Variants in OPCML observed in about 807,000 individuals in gnomAD.
OPCML encodes opioid-binding protein/cell adhesion molecule.
A neutral mutation model predicts 37.8 loss-of-function variants in OPCML; 13 were observed. That is an observed-to-expected ratio of 0.34 (90% CI 0.22 to 0.55). The LOEUF (loss-of-function observed/expected upper bound fraction) is 0.55, where lower values mean the gene tolerates loss of function less well. Among genes scored for constraint, OPCML ranks in the 20% least tolerant of loss-of-function variants. The pLI is 0.91. For synonymous variants in OPCML, 176 were observed against 168.8 expected, an observed-to-expected ratio of 1.04 and a Z score of -0.33; for missense variants, 341 against 435.6, an observed-to-expected ratio of 0.78 and a Z score of 1.93.
intron 1 of OPCML, among the ~76,000 whole-genome samples, chr11:133,419,738 T>G (rs545681766): frequency 6.6e-6 from 1 of 152,172 alleles, no homozygotes. Context: ...AAGAAAGACA[T>G]AGAGAAAATG....
At chr11:132,991,087 A>G (rs886992557) in intron 1 of OPCML, among the ~76,000 whole-genome samples, 1 of 152,194 alleles carries the variant, frequency 6.6e-6, no homozygotes, top group Non-Finnish European at 1.5e-5. Flanking sequence ...TGCCCATAGG[A>G]TTGCCATAAG....
At chr11:133,283,575 GTTTAC>G (rs1322061837) in intron 1 of OPCML, among the ~76,000 whole-genome samples, 1 of 152,126 alleles carries the variant, frequency 6.6e-6, no homozygotes, top group Non-Finnish European at 1.5e-5. Context: ...AAAGGTATTT[GTTTAC>G]ACTGACACAA....
chr11:132,728,280 C>G (rs576546505), intron 2 of OPCML, among the ~76,000 whole-genome samples: 1 of 152,212 alleles, frequency 6.6e-6, no homozygotes, highest in African/African-American at 2.4e-5. Context: ...GCCTGGGTGA[C>G]AGGAGTCTCA....
intron 1 of OPCML, among the ~76,000 whole-genome samples, chr11:132,998,159 A>G (rs990637160): frequency 6.6e-6 from 1 of 152,112 alleles, no homozygotes; most frequent in Non-Finnish European, 1.5e-5. Flanking sequence ...AAACATCCCC[A>G]GTCTGTCATT....
rs140974993 is a variant in OPCML, at chr11:132,740,218, G to A, written c.147-82899C>T. On this transcript the variant is annotated intron_variant, in intron 2 of 7. Coordinates refer to ENST00000524381, the MANE Select transcript of OPCML (RefSeq NM_001012393.5). ...CTGAAGGAGTGAAACTAACAATAAC[G>A]TATCTGTGATGTATCTATTTATGTG... Among the ~76,000 whole-genome samples the A allele has an allele frequency of 2.5e-3, 374 of 152,264 alleles. 2 individuals carry two copies. The highest frequency in any genetic ancestry group is 8.6e-3 in the African/African-American group (359 of 41,552).
intron 3 of OPCML, among the ~76,000 whole-genome samples, chr11:132,530,952 C>T (rs1461156898): frequency 6.6e-6 from 1 of 152,170 alleles, no homozygotes; most frequent in Non-Finnish European, 1.5e-5. Context: ...CTGCCATTTG[C>T]CCTGACCTCT....
Position 132,657,331 on chromosome 11 carries a change from C to T in OPCML, c.147-12G>A, listed in dbSNP as rs376106972. On this transcript the variant is annotated splice_polypyrimidine_tract_variant and intron_variant, in intron 2 of 7. Coordinates refer to ENST00000524381, the MANE Select transcript of OPCML (RefSeq NM_001012393.5). Reference sequence around the variant, plus strand: ...CATCTATGGTACACCTGCAGTGAGGCAGGGAGTGGTGGAGGGAGGAAGAAG... The same window carrying T: ...CATCTATGGTACACCTGCAGTGAGGTAGGGAGTGGTGGAGGGAGGAAGAAG... The T allele has an allele frequency of 1.2e-5, 19 of 1,613,284 alleles. No individual in the cohort carries two copies. The highest frequency in any genetic ancestry group is 2.2e-5 in the South Asian group (2 of 91,028).
chr11:133,269,745 T>G (rs1455409241), intron 1 of OPCML, among the ~76,000 whole-genome samples: 1 of 152,152 alleles, frequency 6.6e-6, no homozygotes, highest in African/African-American at 2.4e-5. Flanking sequence ...CAGCAAACCA[T>G]CTCTCTAACT....
At chr11:132,945,972 C>T (rs1024283790) in intron 1 of OPCML, among the ~76,000 whole-genome samples, 11 of 152,264 alleles carry the variant, frequency 7.2e-5, no homozygotes, top group Middle Eastern at 6.8e-3. Flanking sequence ...TTAGTAGAGA[C>T]GGGGTTTCAC....
At chr11:132,708,918 G>A (rs968613967) in intron 2 of OPCML, among the ~76,000 whole-genome samples, 1 of 152,310 alleles carries the variant, frequency 6.6e-6, no homozygotes, top group African/African-American at 2.4e-5. Context: ...TTCATACTGA[G>A]CATATTTAAA....
intron 1 of OPCML, among the ~76,000 whole-genome samples, chr11:133,430,343 G>C (rs1013094732): frequency 6.6e-6 from 1 of 152,190 alleles, no homozygotes; most frequent in African/African-American, 2.4e-5. Flanking sequence ...TAGGGAAGAA[G>C]TTGGCACTAC....
At chr11:133,526,200 T>A (rs1469381506) in intron 1 of OPCML, among the ~76,000 whole-genome samples, 1 of 152,182 alleles carries the variant, frequency 6.6e-6, no homozygotes, top group Middle Eastern at 3.4e-3. Flanking sequence ...TCTGCGTTGC[T>A]AGGAAGAAGC....
At chr11:132,760,371 T>C (rs1330960100) in intron 2 of OPCML, among the ~76,000 whole-genome samples, 2 of 152,202 alleles carry the variant, frequency 1.3e-5, no homozygotes. Flanking sequence ...TTCTGTCTCA[T>C]TGATCTGTCT....
chr11:133,440,817 T>TATATATATATAAATC (rs1946351575), intron 1 of OPCML, among the ~76,000 whole-genome samples: 2 of 70,808 alleles, frequency 2.8e-5, no homozygotes, highest in African/African-American at 8.9e-4. Flanking sequence ...TGTATGTGTA[T>TATATATATATAAATC]ATATATATAT....
chr11:132,717,069 A>G (rs928981668), intron 2 of OPCML, among the ~76,000 whole-genome samples: 1 of 152,170 alleles, frequency 6.6e-6, no homozygotes, highest in Non-Finnish European at 1.5e-5. Context: ...AATAATAAAT[A>G]ATTATGTACA....
intron 3 of OPCML, among the ~76,000 whole-genome samples, chr11:132,625,935 G>A (rs761628959): frequency 6.6e-6 from 1 of 151,844 alleles, no homozygotes; most frequent in Non-Finnish European, 1.5e-5. Flanking sequence ...CATGCATATT[G>A]GCCACATCTC....
chr11:132,973,280 T>A (rs1946382743), intron 1 of OPCML, among the ~76,000 whole-genome samples: 1 of 152,124 alleles, frequency 6.6e-6, no homozygotes, highest in South Asian at 2.1e-4. Context: ...ATATAATTGT[T>A]CCCTTCCACC....
chr11:133,341,457 G>A (rs1943868056), intron 1 of OPCML, among the ~76,000 whole-genome samples: 1 of 152,166 alleles, frequency 6.6e-6, no homozygotes. Flanking sequence ...ACTTTCAGGT[G>A]CCCTTGGGTG....
At chr11:133,358,646 CAG>C (rs1944344877) in intron 1 of OPCML, among the ~76,000 whole-genome samples, 2 of 152,250 alleles carry the variant, frequency 1.3e-5, no homozygotes, top group South Asian at 4.2e-4. Context: ...ATGTGGCTCA[CAG>C]TGTAATTGAG....
Sources: allele counts gnomAD v4.1 joint callset (sites outside exome capture counted in the v4.1 genomes callset), GRCh38; gene constraint gnomAD v4.1.1; transcripts MANE v1.5; gene names NCBI Gene and HGNC (gene_info 2026-07-23, HGNC 2026-07-21).